The following INPP4B variants were observed in gnomAD, a reference collection of about 807,000 sequenced individuals.
INPP4B encodes inositol polyphosphate-4-phosphatase type II B.
INPP4B carries 55 observed loss-of-function variants against 122.5 expected under a neutral mutation model. That is an observed-to-expected ratio of 0.45 (90% CI 0.36 to 0.56). The LOEUF is 0.56. INPP4B is among the 20% of genes least tolerant of loss of function. The probability of loss-of-function intolerance (pLI) is 0.00; values close to 1 mark genes in which losing one functional copy is unlikely to be tolerated. For synonymous variants in INPP4B, 403 were observed against 388.7 expected (o/e 1.04, Z -0.43); for missense variants, 1,000 against 1,097.7 (o/e 0.91, Z 1.26).
intron 3 of INPP4B, among the ~76,000 whole-genome samples, chr4:142,432,285 A>G (rs575800417): frequency 1.8e-4 from 28 of 152,184 alleles, no homozygotes; most frequent in Middle Eastern, 3.4e-3. Context: ...TTGGTTTATA[A>G]TACTAATAAT....
chr4:142,705,458 A>AACACACACACACACACACAC (rs56300337), intron 2 of INPP4B, among the ~76,000 whole-genome samples: 6 of 146,308 alleles, frequency 4.1e-5, no homozygotes, highest in African/African-American at 1.5e-4. Context: ...TCCCACCCCA[A>AACACACACACACACACACAC]ACACACACAC....
rs1453702861 is a variant in INPP4B at position 142,547,909 on chromosome 4, CA to C, written c.-190-85184del. On this transcript the variant is annotated intron_variant, in intron 2 of 25. Coordinates refer to ENST00000262992, the MANE Select transcript of INPP4B (RefSeq NM_001101669.3). ...AATCATTGGCCCTGGAATATTCAGGCAAAAACAATGCAAGTTTATGAATTTA... is the reference window on the plus strand; with the variant it reads ...AATCATTGGCCCTGGAATATTCAGGCAAAACAATGCAAGTTTATGAATTTA... 7.9e-5 allele frequency among the ~76,000 whole-genome samples: 12 copies of C among 152,166 alleles called. No individual in the cohort carries two copies. In the East Asian group the frequency reaches 2.3e-3, roughly 29 times the overall value.
chr4:142,147,248 C>G (rs1355886413), intron 17 of INPP4B, among the ~76,000 whole-genome samples: 1 of 152,122 alleles, frequency 6.6e-6, no homozygotes, highest in African/African-American at 2.4e-5. Context: ...TACATTTTTT[C>G]TCAAATGTAC....
chr4:142,696,593 T>A (rs1761061569), intron 2 of INPP4B, among the ~76,000 whole-genome samples: 2 of 152,152 alleles, frequency 1.3e-5, no homozygotes, highest in Admixed American at 1.3e-4. Flanking sequence ...TACACCCACT[T>A]AAACTGGGTC....
intron 23 of INPP4B, among the ~76,000 whole-genome samples, chr4:142,101,597 A>G (rs1784498710): frequency 6.6e-6 from 1 of 152,122 alleles, no homozygotes; most frequent in African/African-American, 2.4e-5. Context: ...GGAGAGTCCA[A>G]CAGTGCAGTT....
chr4:142,237,392 A>T (rs1365525736), intron 12 of INPP4B, among the ~76,000 whole-genome samples: 1 of 152,148 alleles, frequency 6.6e-6, no homozygotes, highest in African/African-American at 2.4e-5. Context: ...TAAATTTTCT[A>T]GTAGCCATAT....
intron 16 of INPP4B, among the ~76,000 whole-genome samples, chr4:142,165,147 G>T (rs1361032177): frequency 6.6e-6 from 1 of 151,692 alleles, no homozygotes; most frequent in South Asian, 2.1e-4. Flanking sequence ...AGCCCTTAGA[G>T]TTCAGAAATG....
chr4:142,057,341 T>C (rs2645791), intron 25 of INPP4B, among the ~76,000 whole-genome samples: 123,543 of 152,018 alleles, frequency 0.81, 52,390 homozygotes, highest in Non-Finnish European at 0.92. Context: ...AATCAAGTTC[T>C]TTATTGGCTG....
At chr4:142,178,110 G>A (rs1287603855) in intron 15 of INPP4B, among the ~76,000 whole-genome samples, 2 of 152,146 alleles carry the variant, frequency 1.3e-5, no homozygotes, top group Middle Eastern at 3.4e-3. Context: ...AACTGATCCC[G>A]AGATCTGCTC....
chr4:142,075,130 T>C (rs1341745688), intron 25 of INPP4B, among the ~76,000 whole-genome samples: 1 of 152,062 alleles, frequency 6.6e-6, no homozygotes, highest in Admixed American at 6.6e-5. Context: ...TTAGTGGCTA[T>C]TATAATTTCA....
chr4:142,123,909 C>A (rs1454269098), intron 19 of INPP4B, among the ~76,000 whole-genome samples: 1 of 152,036 alleles, frequency 6.6e-6, no homozygotes, highest in Non-Finnish European at 1.5e-5. Flanking sequence ...TTAAAATATT[C>A]CCTTTTCCTA....
In INPP4B at chr4:142,766,888, A is replaced by C. The variant is rs541864770; in HGVS notation, c.-253-40987T>G. On this transcript the variant is annotated intron_variant, in intron 1 of 25. Coordinates refer to ENST00000262992, the MANE Select transcript of INPP4B (RefSeq NM_001101669.3). ...GGATGTGTATTTAGAGTGGGAGGAG[A>C]AATAATAGAGATGATATACATAGAG... 4 of 152,240 alleles carry C rather than the reference A, an allele frequency of 2.6e-5. No individual in the cohort carries two copies. The East Asian group carries it at 7.7e-4, about 29-fold the overall frequency. The allele number at this position is 152,240 out of a possible 1,614,324, so 9.4% of individuals were successfully genotyped here. A position where few individuals can be genotyped will look rare whatever the true frequency, so the allele number is the denominator to read the frequency against.
chr4:142,594,334 AT>A (rs1738205980), intron 2 of INPP4B, among the ~76,000 whole-genome samples: 1 of 152,160 alleles, frequency 6.6e-6, no homozygotes, highest in Non-Finnish European at 1.5e-5. Flanking sequence ...ATGCATTGCC[AT>A]TTTACATTTT....
At chr4:142,141,432 C>T (rs1366100531) in intron 18 of INPP4B, among the ~76,000 whole-genome samples, 3 of 152,108 alleles carry the variant, frequency 2.0e-5, no homozygotes, top group Non-Finnish European at 4.4e-5. Context: ...TAGTGCTATA[C>T]AGACAGCAGA....
Position 142,082,014 on chromosome 4 carries a change from A to T in INPP4B, c.2642+17T>A, listed in dbSNP as rs1774152373. ...AATGACCTTAAAAGAAAAAAACTTGAAAAACATGTGAGATACCTTCTCATG... is the reference window on the plus strand; with the variant it reads ...AATGACCTTAAAAGAAAAAAACTTGTAAAACATGTGAGATACCTTCTCATG... On this transcript the variant is annotated intron_variant, in intron 25 of 25. Coordinates refer to ENST00000262992, the MANE Select transcript of INPP4B (RefSeq NM_001101669.3). The T allele has an allele frequency of 7.1e-7, 1 of 1,406,432 alleles. No individual in the cohort carries two copies. Among genetic ancestry groups the T allele is most frequent in the African/African-American group, 1.4e-5 (1 of 70,126 alleles). 87.1% of individuals were successfully genotyped at this position (1,406,432 alleles called of 1,614,324 possible).
Position 142,608,689 on chromosome 4 carries a change from A to T in INPP4B, c.-191+117150T>A, listed in dbSNP as rs187307603. On this transcript the variant is annotated intron_variant, in intron 2 of 25. Transcript: ENST00000262992. ...CTCTGTACAACACCCTCCAAGACTT[A>T]TCATCTGGAAAGACCAGTTTCGTTG... 3.9e-4 allele frequency among the ~76,000 whole-genome samples: 60 copies of T among 152,286 alleles called. No individual in the cohort carries two copies. The East Asian group carries it at 6.6e-3, about 17-fold the overall frequency.
chr4:142,633,161 T>G (rs1053936078), intron 2 of INPP4B, among the ~76,000 whole-genome samples: 1 of 151,774 alleles, frequency 6.6e-6, no homozygotes, highest in African/African-American at 2.4e-5. Flanking sequence ...AAAAGGACAC[T>G]TCATAACAAC....
At chr4:142,631,062 T>C (rs1224017022) in intron 2 of INPP4B, among the ~76,000 whole-genome samples, 7 of 152,090 alleles carry the variant, frequency 4.6e-5, no homozygotes, top group Admixed American at 4.6e-4. Context: ...TATTTTACCA[T>C]ATAATCCAAA....
intron 1 of INPP4B, among the ~76,000 whole-genome samples, chr4:142,816,006 G>A (rs1992418): frequency 0.3 from 44,999 of 151,982 alleles, 6,816 homozygotes; most frequent in South Asian, 0.36. Context: ...TTGTGAAGTC[G>A]TAATGCAAAA....
Sources: gnomAD v4.1 joint callset for allele counts (sites outside exome capture counted in the v4.1 genomes callset) on GRCh38, gnomAD v4.1.1 for gene constraint, MANE v1.5 for transcripts, NCBI Gene and HGNC (gene_info 2026-07-23, HGNC 2026-07-21) for gene names.